RAD51B: variants seen among roughly 807,000 people sequenced by gnomAD.
RAD51B encodes RAD51 paralog B.
A neutral mutation model predicts 42.2 loss-of-function variants in RAD51B; 38 were observed. The observed-to-expected ratio is 0.90, with a 90% CI of 0.70 to 1.18. The LOEUF (loss-of-function observed/expected upper bound fraction) is 1.18. Ranked by LOEUF, RAD51B falls within the 50% of genes most tolerant of loss-of-function variation. The pLI is 0.00. For missense variants in RAD51B, 373 were observed against 400.7 expected (o/e 0.93, Z 0.59); for synonymous variants, 154 against 145.2 (o/e 1.06, Z -0.43).
intron 7 of RAD51B, among the ~76,000 whole-genome samples, chr14:68,117,635 G>A (rs2077572352): frequency 6.6e-6 from 1 of 152,142 alleles, no homozygotes; most frequent in South Asian, 2.1e-4. Flanking sequence ...AAATAACCTA[G>A]ACTCTTGCAT....
chr14:68,532,829 G>T (rs1261191403), intron 10 of RAD51B, among the ~76,000 whole-genome samples: 1 of 152,068 alleles, frequency 6.6e-6, no homozygotes. Context: ...TATTAACAGA[G>T]ATGACATGTC....
chr14:68,251,621 G>A, intron 7 of RAD51B, among the ~76,000 whole-genome samples: 1 of 152,188 alleles, frequency 6.6e-6, no homozygotes, highest in Non-Finnish European at 1.5e-5. Context: ...CTCTAGGTGT[G>A]CAGATTAATT....
intron 8 of RAD51B, among the ~76,000 whole-genome samples, chr14:68,375,121 A>G (rs2083340648): frequency 6.6e-6 from 1 of 151,944 alleles, no homozygotes; most frequent in Admixed American, 6.6e-5. Flanking sequence ...ACTTAGCGTT[A>G]CCCTATTTAA....
At chr14:68,230,134 A>G (rs1208038136) in intron 7 of RAD51B, among the ~76,000 whole-genome samples, 1 of 152,230 alleles carries the variant, frequency 6.6e-6, no homozygotes, top group Non-Finnish European at 1.5e-5. Context: ...AAAAGCATCA[A>G]ATTGTAGGAC....
At chr14:68,404,550 TAC>T (rs2084210837) in intron 8 of RAD51B, among the ~76,000 whole-genome samples, 2 of 152,186 alleles carry the variant, frequency 1.3e-5, no homozygotes, top group Admixed American at 1.3e-4. Context: ...TATAGTAACT[TAC>T]AGTTTCCCTA....
At position 68,668,951 on chromosome 14, in the gene RAD51B, A is replaced by C. The variant is rs141218931; in HGVS notation, c.*11+18095A>C. 6.1e-3 allele frequency among the ~76,000 whole-genome samples: 927 copies of C among 152,362 alleles called. 13 individuals are homozygous for C. Among genetic ancestry groups the C allele is most frequent in the Non-Finnish European group, 3.9e-3 (268 of 68,038 alleles). ...ACCTTTTACAGCTTTGAGCTCATTA[A>C]GGAAAGAAAGAGGATTTCAAGACCT... is the stretch of plus-strand genomic sequence containing the variant. On this transcript the variant is annotated intron_variant, in intron 11 of 11. Coordinates refer to the RAD51B transcript ENST00000488612.
In RAD51B at chr14:67,932,990, G is replaced by A. The variant is rs566801400; in HGVS notation, c.756+45786G>A. 1.2e-4 allele frequency among the ~76,000 whole-genome samples: 18 copies of A among 152,294 alleles called. No homozygotes were observed. In the South Asian group the frequency reaches 3.7e-3, roughly 32 times the overall value. On this transcript the variant is annotated intron_variant, in intron 7 of 10. Transcript: ENST00000471583. ...TCCTGTTGTATATGTGTAAACCTGA[G>A]CACAGAGACCACTCCATTGGTGCAG... is the stretch of plus-strand genomic sequence containing the variant.
intron 10 of RAD51B, among the ~76,000 whole-genome samples, chr14:68,568,008 T>G (rs1467229611): frequency 6.6e-6 from 1 of 152,330 alleles, no homozygotes; most frequent in East Asian, 1.9e-4. Context: ...AAGTCCTTGG[T>G]GATTGAATAA....
intron 10 of RAD51B, among the ~76,000 whole-genome samples, chr14:68,648,004 C>CATATATATAT (rs374934304): frequency 0.068 from 7,404 of 108,526 alleles, 455 homozygotes; most frequent in Non-Finnish European, 0.097. Flanking sequence ...AAAAATTGAG[C>CATATATATAT]ATATATATAT....
chr14:68,187,884 G>A (rs563688056), intron 7 of RAD51B, among the ~76,000 whole-genome samples: 7 of 152,026 alleles, frequency 4.6e-5, no homozygotes, highest in East Asian at 1.9e-4. Flanking sequence ...GCGCAATCTC[G>A]GCTCACTGCA....
At chr14:68,391,356 A>T (rs533052855) in intron 8 of RAD51B, among the ~76,000 whole-genome samples, 184 of 152,240 alleles carry the variant, frequency 1.2e-3, no homozygotes, top group Non-Finnish European at 1.2e-3. Context: ...TTGGAAGGTC[A>T]ACTCACTTTA....
intron 7 of RAD51B, among the ~76,000 whole-genome samples, chr14:68,172,327 AC>A (rs1342240919): frequency 6.6e-6 from 1 of 152,232 alleles, no homozygotes; most frequent in African/African-American, 2.4e-5. Flanking sequence ...TACTGACTTA[AC>A]CTCTGACCAC....
At chr14:68,236,875 C>A (rs940120473) in intron 7 of RAD51B, among the ~76,000 whole-genome samples, 4 of 152,120 alleles carry the variant, frequency 2.6e-5, no homozygotes, top group Non-Finnish European at 4.4e-5. Flanking sequence ...TGCAGACATC[C>A]ACACAAAGGA....
chr14:68,258,443 TCACA>T (rs56704300), intron 7 of RAD51B, among the ~76,000 whole-genome samples: 2 of 149,986 alleles, frequency 1.3e-5, no homozygotes, highest in African/African-American at 4.9e-5. Flanking sequence ...TCTCTCTCTC[TCACA>T]CACACACACA....
Position 68,593,642 on chromosome 14 carries a change from G to A in RAD51B, c.1037-843G>A, listed in dbSNP as rs1890855694. On this transcript the variant is annotated intron_variant, in intron 10 of 10. Coordinates refer to the RAD51B transcript ENST00000487270. ...GCCAAGATGCAGGTGCCTGGCACCT[G>A]GGCTGGCTGAAAGTGGGGAATGTAT... Among the ~76,000 whole-genome samples the A allele has an allele frequency of 3.3e-5, 5 of 152,190 alleles. No individual in the cohort carries two copies. In the South Asian group the frequency reaches 1.0e-3, roughly 32 times the overall value.
intron 10 of RAD51B, among the ~76,000 whole-genome samples, chr14:68,586,137 A>C (rs1319584171): frequency 6.6e-6 from 1 of 151,816 alleles, no homozygotes; most frequent in African/African-American, 2.4e-5. Context: ...TGCAATCAGA[A>C]CTCTCCGAGG....
chr14:68,261,196 A>C (rs2080881432), intron 7 of RAD51B, among the ~76,000 whole-genome samples: 1 of 152,216 alleles, frequency 6.6e-6, no homozygotes. Flanking sequence ...CTAGTGTAGA[A>C]GTTATTGGCC....
At chr14:68,047,512 A>T (rs990674261) in intron 7 of RAD51B, among the ~76,000 whole-genome samples, 1 of 152,182 alleles carries the variant, frequency 6.6e-6, no homozygotes, top group Non-Finnish European at 1.5e-5. Context: ...AGAAATAATG[A>T]CAGCTTTCAA....
Position 68,570,896 on chromosome 14 carries a change from C to CACACACAT in RAD51B, c.1037-23588_1037-23587insCACACATA, listed in dbSNP as rs1175785400. On this transcript the variant is annotated intron_variant, in intron 10 of 10. Coordinates refer to the RAD51B transcript ENST00000487270. ...CGCCACACACACACACACACACACA[C>CACACACAT]ATGCACACACACACACATGCACACA... is the stretch of plus-strand genomic sequence containing the variant. 7.3e-5 allele frequency among the ~76,000 whole-genome samples: 8 copies of CACACACAT among 110,076 alleles called. No homozygotes were observed. In the East Asian group the frequency reaches 2.6e-3, roughly 36 times the overall value. The allele number at this position is 110,076 out of a possible 152,430, so 72.2% of individuals were successfully genotyped here. A position where few individuals can be genotyped will look rare whatever the true frequency, so the allele number is the denominator to read the frequency against.
Sources: allele counts gnomAD v4.1 joint callset (sites outside exome capture counted in the v4.1 genomes callset), GRCh38; gene constraint gnomAD v4.1.1; transcripts MANE v1.5; gene names NCBI Gene and HGNC (gene_info 2026-07-23, HGNC 2026-07-21).